Variants in DOCK4 observed in about 807,000 individuals in gnomAD.
DOCK4 encodes the protein dedicator of cytokinesis protein 4.
DOCK4 carries 97 observed loss-of-function variants against 268.1 expected under a neutral mutation model. The observed-to-expected ratio is 0.36, with a 90% CI of 0.31 to 0.43. The LOEUF is 0.43. Ranked by LOEUF, DOCK4 falls within the 20% of genes least tolerant of loss-of-function variation. DOCK4 has a pLI of 1.00. For synonymous variants in DOCK4, 954 were observed against 887.2 expected (o/e 1.08, Z -1.34); for missense variants, 2,145 against 2,455.7 (o/e 0.87, Z 2.67).
intron 1 of DOCK4, among the ~76,000 whole-genome samples, chr7:112,037,129 G>A (rs1171381635): frequency 6.6e-6 from 1 of 152,180 alleles, no homozygotes; most frequent in Non-Finnish European, 1.5e-5. Context: ...TTTCAGCACA[G>A]TATTCAATAA....
rs149223538 is a variant in DOCK4, at chr7:112,030,765, G to A, written c.38-26634C>T. Among the ~76,000 whole-genome samples, 430 of 152,258 alleles carry A rather than the reference G, an allele frequency of 2.8e-3. 3 individuals are homozygous for A. Among genetic ancestry groups the A allele is most frequent in the African/African-American group, 0.01 (418 of 41,566 alleles). ...ATGGAGAGAGCTCTGATGATACAAT[G>A]AACTCGTGGACCCAACAGGTGCTGC... On this transcript the variant is annotated intron_variant, in intron 1 of 52. Transcript: ENST00000428084.
Position 111,863,421 on chromosome 7 carries a change from T to C in DOCK4, c.2424A>G (p.Lys808=), listed in dbSNP as rs2134187349. The change falls in exon 23 of 53, where the codon AAA becomes AAG. Residue 808 remains lysine (K), a synonymous_variant. Transcript: ENST00000428084. ...CCACGGTTTTGCCAATGCACTGCAG[T>C]TTGATGGCCTGCAGGGAATCATCCA... ...LHVDDSLQAI[K]LQCIGKTVES... is the part of the protein sequence containing the mutation. 6.2e-7 allele frequency: 1 copy of C among 1,613,994 alleles called. No homozygotes were observed. The highest frequency in any genetic ancestry group is 2.2e-5 in the East Asian group (1 of 44,882).
In DOCK4 at chr7:111,994,152, A is replaced by G; in HGVS notation, c.298T>C (p.Trp100Arg). 1 of 1,604,862 alleles carries G rather than the reference A, an allele frequency of 6.2e-7. No homozygotes were observed. The highest frequency in any genetic ancestry group is 8.5e-7 in the Non-Finnish European group (1 of 1,174,792). The change falls in exon 5 of 53, where the codon TGG (tryptophan) becomes CGG (arginine). Residue 100 changes from tryptophan to arginine, a missense_variant. By Grantham distance (101) the Trp-to-Arg change is moderately radical (BLOSUM62 -3). Transcript: ENST00000428084. ...TACTTAACCACATAGAGTTGTTTCC[A>G]CATGGTTCCCCAGTCTCTTAATGTT... ...TSTLRDWGTMWKQLYVRNEGD... is the reference protein window; with the variant it reads ...TSTLRDWGTMRKQLYVRNEGD...
chr7:112,083,304 A>C (rs992699390), intron 1 of DOCK4, among the ~76,000 whole-genome samples: 1 of 152,048 alleles, frequency 6.6e-6, no homozygotes, highest in Non-Finnish European at 1.5e-5. Flanking sequence ...TATCATCTCC[A>C]TTGGTTTTAC....
At chr7:112,087,301 T>TA (rs1199542955) in intron 1 of DOCK4, among the ~76,000 whole-genome samples, 2 of 152,106 alleles carry the variant, frequency 1.3e-5, no homozygotes, top group African/African-American at 4.8e-5. Context: ...AGCTGCTAGG[T>TA]AATACATACC....
intron 1 of DOCK4, among the ~76,000 whole-genome samples, chr7:112,091,223 C>A (rs1387699933): frequency 6.6e-6 from 1 of 152,120 alleles, no homozygotes; most frequent in Non-Finnish European, 1.5e-5. Context: ...AATTAAGATA[C>A]AACTATCAGC....
chr7:111,934,517 GTTTT>G (rs1219563532), intron 12 of DOCK4, among the ~76,000 whole-genome samples: 23 of 89,458 alleles, frequency 2.6e-4, no homozygotes, highest in African/African-American at 1.0e-3. Flanking sequence ...GTTTTGTTTT[GTTTT>G]TGTTTTTTTT....
intron 41 of DOCK4, 63 bp from the exon 42 acceptor site, chr7:111,755,664 T>C: frequency 6.8e-7 from 1 of 1,471,106 alleles, no homozygotes; most frequent in Admixed American, 1.7e-5. Context: ...CTTCCATGAC[T>C]AGTGTTTGTC....
chr7:112,069,599 A>AAGAGCCTCACAC (rs1807398114), intron 1 of DOCK4, among the ~76,000 whole-genome samples: 1 of 152,158 alleles, frequency 6.6e-6, no homozygotes, highest in Non-Finnish European at 1.5e-5. Flanking sequence ...ATACAGTACA[A>AAGAGCCTCACAC]AGAGCCTCAC....
chr7:112,168,335 C>A (rs968103973), intron 1 of DOCK4, among the ~76,000 whole-genome samples: 1 of 152,186 alleles, frequency 6.6e-6, no homozygotes, highest in Non-Finnish European at 1.5e-5. Context: ...TTCACCTGGA[C>A]ATGCTGTTTG....
intron 1 of DOCK4, among the ~76,000 whole-genome samples, chr7:112,198,965 CGGCAAGGGACAACTCTG>C (rs1820696367): frequency 2.0e-5 from 3 of 152,290 alleles, no homozygotes; most frequent in African/African-American, 7.2e-5. Context: ...ACAGACAACA[CGGCAAGGGACAACTCTG>C]TGCATAAAGT....
intron 26 of DOCK4, 43 bp from the exon 27 acceptor site, chr7:111,822,499 A>G (rs1434811372): frequency 2.0e-6 from 3 of 1,507,226 alleles, no homozygotes; most frequent in Non-Finnish European, 2.7e-6. Flanking sequence ...GTTTATTGTA[A>G]CTGTCAACAT....
chr7:111,939,083 AT>A (rs1794989851), intron 11 of DOCK4, among the ~76,000 whole-genome samples: 1 of 152,010 alleles, frequency 6.6e-6, no homozygotes, highest in South Asian at 2.1e-4. Context: ...CAAGCCATGG[AT>A]CCCCCAGTGA....
At chr7:112,024,799 T>G (rs1211601921) in intron 1 of DOCK4, among the ~76,000 whole-genome samples, 1 of 152,218 alleles carries the variant, frequency 6.6e-6, no homozygotes, top group Non-Finnish European at 1.5e-5. Flanking sequence ...CAGACATTCG[T>G]TATTTTTAAA....
chr7:111,964,925 T>C (rs1367518697), intron 8 of DOCK4, among the ~76,000 whole-genome samples: 2 of 117,412 alleles, frequency 1.7e-5, no homozygotes, highest in African/African-American at 4.1e-5. Flanking sequence ...AAAAGAATTT[T>C]CAACCCAGAA....
chr7:112,132,787 T>C (rs1813927469), intron 1 of DOCK4, among the ~76,000 whole-genome samples: 1 of 152,154 alleles, frequency 6.6e-6, no homozygotes, highest in South Asian at 2.1e-4. Context: ...TCTCTGGCCT[T>C]ACAGAATTTA....
chr7:111,994,261 T>C (rs761911370), intron 4 of DOCK4, 30 bp from the exon 5 acceptor site: 1 of 1,404,884 alleles, frequency 7.1e-7, no homozygotes, highest in Non-Finnish European at 9.9e-7. Context: ...AAAGTATATA[T>C]GTAAATACCA....
At chr7:111,788,627 G>A in intron 32 of DOCK4, 35 bp downstream of exon 32, 1 of 1,532,986 alleles carries the variant, frequency 6.5e-7, no homozygotes, top group Non-Finnish European at 8.9e-7. Flanking sequence ...AAATCCCCCA[G>A]AATGGAATCA....
intron 26 of DOCK4, among the ~76,000 whole-genome samples, chr7:111,825,763 TTA>T (rs1160087298): frequency 1.3e-5 from 2 of 152,136 alleles, no homozygotes; most frequent in Admixed American, 1.3e-4. Context: ...CAGGGAGGTG[TTA>T]TTTTATAGAA....
Sources: allele counts gnomAD v4.1 joint callset (sites outside exome capture counted in the v4.1 genomes callset), GRCh38; gene constraint gnomAD v4.1.1; transcripts MANE v1.5; gene names NCBI Gene and HGNC (gene_info 2026-07-23, HGNC 2026-07-21).